The following AUTS2 variants were observed in gnomAD, a reference collection of about 807,000 sequenced individuals.
AUTS2 encodes autism susceptibility gene 2 protein.
Under a neutral mutation model 112.4 loss-of-function variants are expected in AUTS2, and 17 were observed. The observed-to-expected ratio is 0.15, with a 90% CI of 0.10 to 0.23. The LOEUF (loss-of-function observed/expected upper bound fraction) is 0.23. Among genes scored for constraint, AUTS2 ranks in the 10% least tolerant of loss-of-function variants. The pLI is 1.00. For synonymous variants in AUTS2, 751 were observed against 702.7 expected (o/e 1.07, Z -1.09); for missense variants, 1,510 against 1,701.6 (o/e 0.89, Z 1.98).
chr7:70,245,726 C>G (rs1032904060), intron 4 of AUTS2, among the ~76,000 whole-genome samples: 1 of 152,034 alleles, frequency 6.6e-6, no homozygotes, highest in East Asian at 1.9e-4. Context: ...TTATGTGTCT[C>G]CTGGCACATA....
intron 1 of AUTS2, among the ~76,000 whole-genome samples, chr7:69,722,486 A>G (rs986186060): frequency 1.3e-5 from 2 of 150,740 alleles, no homozygotes; most frequent in Non-Finnish European, 2.9e-5. Context: ...AAACGCTACC[A>G]CACCCAGCTA....
chr7:70,348,458 A>AC (rs1316792515), intron 4 of AUTS2, among the ~76,000 whole-genome samples: 4 of 152,126 alleles, frequency 2.6e-5, no homozygotes, highest in Non-Finnish European at 4.4e-5. Context: ...CTATTGAGCC[A>AC]CCCCCATCAC....
chr7:69,724,422 A>T (rs1183977688), intron 1 of AUTS2, among the ~76,000 whole-genome samples: 1 of 152,186 alleles, frequency 6.6e-6, no homozygotes, highest in Non-Finnish European at 1.5e-5. Context: ...TGGACTTTTT[A>T]GGGAGTTGTC....
At chr7:70,076,238 G>A (rs373089739) in intron 2 of AUTS2, among the ~76,000 whole-genome samples, 2 of 151,970 alleles carry the variant, frequency 1.3e-5, no homozygotes, top group African/African-American at 4.8e-5. Flanking sequence ...ATAAAAAAAA[G>A]CATCGCATTA....
chr7:70,577,808 G>T (rs868182649), intron 5 of AUTS2, among the ~76,000 whole-genome samples: 8 of 151,052 alleles, frequency 5.3e-5, no homozygotes, highest in African/African-American at 1.2e-4. Context: ...GTTTTATTGG[G>T]TTTTTTTTTA....
chr7:69,716,141 A>G (rs1328344115), intron 1 of AUTS2, among the ~76,000 whole-genome samples: 5 of 152,130 alleles, frequency 3.3e-5, no homozygotes, highest in African/African-American at 9.7e-5. Flanking sequence ...AAATGATAAG[A>G]TTGACATTTT....
intron 1 of AUTS2, among the ~76,000 whole-genome samples, chr7:69,774,438 A>T (rs562179672): frequency 6.6e-6 from 1 of 152,372 alleles, no homozygotes; most frequent in South Asian, 2.1e-4. Context: ...TCCGGGATAC[A>T]GTCAAAAATC....
Position 70,185,257 on chromosome 7 carries a change from C to CTTTTTT in AUTS2, c.660+50708_660+50713dup, listed in dbSNP as rs35215443. 2.0e-3 allele frequency among the ~76,000 whole-genome samples: 177 copies of CTTTTTT among 87,108 alleles called. 3 individuals are homozygous for CTTTTTT. The highest frequency in any genetic ancestry group is 5.6e-3 in the African/African-American group (123 of 21,904). The allele number at this position is 87,108 out of a possible 152,430, so 57.1% of individuals were successfully genotyped here. ...TGCTTTGGGCCTAAATGACATTAAA[C>CTTTTTT]TTTTTTTTTTTTTTTTTTTTTTTTT... On this transcript the variant is annotated intron_variant, in intron 4 of 18. Coordinates refer to ENST00000342771, the MANE Select transcript of AUTS2 (RefSeq NM_015570.4).
chr7:70,342,979 G>A (rs1395262637), intron 4 of AUTS2, among the ~76,000 whole-genome samples: 1 of 152,126 alleles, frequency 6.6e-6, no homozygotes, highest in Non-Finnish European at 1.5e-5. Context: ...AAGAAAGGAG[G>A]TGGCCAGAAT....
intron 1 of AUTS2, among the ~76,000 whole-genome samples, chr7:69,693,977 TTGG>T (rs1221897900): frequency 1.3e-5 from 2 of 152,216 alleles, no homozygotes; most frequent in Admixed American, 1.3e-4. Flanking sequence ...CTTTACACTA[TTGG>T]GCAGGGAGAT....
chr7:70,432,267 A>G (rs1227721556), intron 4 of AUTS2, among the ~76,000 whole-genome samples: 1 of 152,170 alleles, frequency 6.6e-6, no homozygotes, highest in South Asian at 2.1e-4. Flanking sequence ...TCCCAGCCTC[A>G]TGCAGAACAT....
At chr7:69,678,701 AG>A (rs1314542158) in intron 1 of AUTS2, among the ~76,000 whole-genome samples, 2 of 152,324 alleles carry the variant, frequency 1.3e-5, no homozygotes, top group African/African-American at 4.8e-5. Context: ...GAGCTGTGAC[AG>A]ATATATTGCC....
At chr7:69,634,219 A>G (rs983955789) in intron 1 of AUTS2, among the ~76,000 whole-genome samples, 1 of 150,946 alleles carries the variant, frequency 6.6e-6, no homozygotes, top group African/African-American at 2.4e-5. Context: ...TCCCGGGTTC[A>G]CGCCATTCTC....
At chr7:70,597,704 T>C (rs1174346932) in intron 5 of AUTS2, among the ~76,000 whole-genome samples, 2 of 152,252 alleles carry the variant, frequency 1.3e-5, no homozygotes, top group Non-Finnish European at 2.9e-5. Flanking sequence ...ATATTTTTGG[T>C]GTAGGTTTCT....
rs563652985 is a variant in AUTS2, at chr7:69,702,427, G to T, written c.309+102465G>T. Among the ~76,000 whole-genome samples, 29 of 152,264 alleles carry T rather than the reference G, an allele frequency of 1.9e-4. No homozygotes were observed. In the South Asian group the frequency reaches 5.6e-3, roughly 29 times the overall value. On this transcript the variant is annotated intron_variant, in intron 1 of 18. Transcript: ENST00000342771. Reference sequence around the variant, plus strand: ...AAAGGTCAGTGAGAAGTCTGTGAAAGGTACATACTTAGGGTCTGTAGGGCA... The same window carrying T: ...AAAGGTCAGTGAGAAGTCTGTGAAATGTACATACTTAGGGTCTGTAGGGCA...
chr7:70,677,833 C>T (rs1807997287), intron 5 of AUTS2, among the ~76,000 whole-genome samples: 2 of 151,868 alleles, frequency 1.3e-5, no homozygotes, highest in Admixed American at 1.3e-4. Context: ...CCTATAATCC[C>T]AGCACTTTGG....
chr7:70,540,203 A>T (rs1296249304), intron 5 of AUTS2, among the ~76,000 whole-genome samples: 2 of 151,960 alleles, frequency 1.3e-5, no homozygotes, highest in African/African-American at 4.8e-5. Flanking sequence ...TGTTGTTGTG[A>T]TATTGTTGGT....
intron 1 of AUTS2, among the ~76,000 whole-genome samples, chr7:69,756,717 T>A (rs1355345690): frequency 1.3e-5 from 2 of 152,180 alleles, no homozygotes; most frequent in African/African-American, 4.8e-5. Flanking sequence ...CCAGTTTTTA[T>A]CAGAAAGCAG....
intron 1 of AUTS2, among the ~76,000 whole-genome samples, chr7:69,737,859 A>G (rs1006491242): frequency 6.6e-6 from 1 of 152,176 alleles, no homozygotes; most frequent in African/African-American, 2.4e-5. Flanking sequence ...TTGACAGTGC[A>G]TTGCTAATTG....
Sources: gnomAD v4.1 joint callset for allele counts (sites outside exome capture counted in the v4.1 genomes callset) on GRCh38, gnomAD v4.1.1 for gene constraint, MANE v1.5 for transcripts, NCBI Gene and HGNC (gene_info 2026-07-23, HGNC 2026-07-21) for gene names.